THSD7A: variants seen among roughly 807,000 people sequenced by gnomAD.
THSD7A encodes the protein thrombospondin type 1 domain containing 7A, also known as thrombospondin type-1 domain-containing protein 7A.
THSD7A carries 96 observed loss-of-function variants against 231.3 expected under a neutral mutation model. The observed-to-expected ratio is 0.41, with a 90% confidence interval of 0.35 to 0.49. THSD7A has a LOEUF of 0.49. THSD7A is among the 20% of genes least tolerant of loss of function. THSD7A has a pLI of 0.05. For synonymous variants in THSD7A, 940 were observed against 743.3 expected, an observed-to-expected ratio of 1.26 and a Z score of -4.30; for missense variants, 2,290 against 2,070.2, an observed-to-expected ratio of 1.11 and a Z score of -2.06.
At chr7:11,786,314 A>G (rs889938300) in intron 1 of THSD7A, among the ~76,000 whole-genome samples, 3 of 152,050 alleles carry the variant, frequency 2.0e-5, no homozygotes, top group Non-Finnish European at 4.4e-5. Flanking sequence ...GCCATCCTAC[A>G]TGGTTGTGAC....
intron 1 of THSD7A, among the ~76,000 whole-genome samples, chr7:11,642,172 A>G (rs1782109797): frequency 6.6e-6 from 1 of 152,184 alleles, no homozygotes; most frequent in African/African-American, 2.4e-5. Flanking sequence ...GACAGTGTGC[A>G]GCAAATGTTT....
chr7:11,727,638 G>C (rs547782998), intron 1 of THSD7A, among the ~76,000 whole-genome samples: 78 of 151,966 alleles, frequency 5.1e-4, no homozygotes, highest in African/African-American at 1.9e-3. Context: ...TTTCAAGAAA[G>C]TGAAAAACAT....
At position 11,446,341 on chromosome 7, in the gene THSD7A, A is replaced by G. The variant is rs1480918291; in HGVS notation, c.2801-17T>C. ...TACTTTTTCCTGTGGAAGAGAAACA[A>G]TCAGGCAATTTAAGTTGGAAAATAC... On this transcript the variant is annotated splice_polypyrimidine_tract_variant and intron_variant, in intron 12 of 27. Transcript: ENST00000423059. The surrounding 1 kb of genome is among the most constrained non-coding windows in gnomAD (Gnocchi z 4.0). The G allele has an allele frequency of 1.2e-6, 2 of 1,601,676 alleles. No individual in the cohort carries two copies. Among genetic ancestry groups the G allele is most frequent in the Non-Finnish European group, 1.7e-6 (2 of 1,172,764 alleles).
intron 23 of THSD7A, among the ~76,000 whole-genome samples, chr7:11,399,897 A>C (rs1213541824): frequency 1.3e-5 from 2 of 152,122 alleles, no homozygotes; most frequent in Non-Finnish European, 2.9e-5. Context: ...AATAGCAAAG[A>C]CTTGGGACCA....
At chr7:11,820,322 C>T (rs1052048177) in intron 1 of THSD7A, 14 of 767,544 alleles carry the variant, frequency 1.8e-5, no homozygotes, top group African/African-American at 3.6e-5. Context: ...GGACCCTACT[C>T]GGTTGTGGGC....
intron 6 of THSD7A, among the ~76,000 whole-genome samples, chr7:11,523,192 G>T (rs1222098286): frequency 6.6e-6 from 1 of 151,998 alleles, no homozygotes; most frequent in South Asian, 2.1e-4. Context: ...ATATAAAAAC[G>T]ATTCAACAGC....
chr7:11,645,400 A>G (rs1584138854), intron 1 of THSD7A, among the ~76,000 whole-genome samples: 1 of 151,902 alleles, frequency 6.6e-6, no homozygotes, highest in Non-Finnish European at 1.5e-5. Context: ...ACACAATAGT[A>G]TATTTCTTTC....
chr7:11,823,811 A>C (rs1784943734), intron 1 of THSD7A, among the ~76,000 whole-genome samples: 1 of 152,042 alleles, frequency 6.6e-6, no homozygotes, highest in Admixed American at 6.6e-5. Context: ...CATTAATATA[A>C]GCTTTTTTAC....
At chr7:11,667,472 C>A (rs1783187452) in intron 1 of THSD7A, among the ~76,000 whole-genome samples, 1 of 152,062 alleles carries the variant, frequency 6.6e-6, no homozygotes, top group African/African-American at 2.4e-5. Flanking sequence ...ATTACATACT[C>A]TTTTCTAGCA....
Position 11,411,953 on chromosome 7 carries a change from A to C in THSD7A, c.3683-631T>G, listed in dbSNP as rs988911422. On this transcript the variant is annotated intron_variant, in intron 18 of 27. Transcript: ENST00000423059. The surrounding 1 kb of genome is among the most constrained non-coding windows in gnomAD (Gnocchi z 4.1). ...GGAAACTGAAGAGAAAAACCAAAAG[A>C]AACAAAGCCAATATGACTGTTATGT... Among the ~76,000 whole-genome samples the C allele has an allele frequency of 3.3e-5, 5 of 152,128 alleles. No homozygotes were observed. The highest frequency in any genetic ancestry group is 7.4e-5 in the Non-Finnish European group (5 of 68,024).
intron 1 of THSD7A, among the ~76,000 whole-genome samples, chr7:11,672,482 A>T (rs565183010): frequency 3.4e-4 from 51 of 150,356 alleles, no homozygotes; most frequent in African/African-American, 1.2e-3. Context: ...TTAATCTTAT[A>T]ATTATTACTC....
chr7:11,650,359 T>C (rs2128368155), intron 1 of THSD7A, among the ~76,000 whole-genome samples: 1 of 152,196 alleles, frequency 6.6e-6, no homozygotes, highest in African/African-American at 2.4e-5. Context: ...AAAGATGTTA[T>C]GCTAGAGCAC....
rs1279787439 is a variant in THSD7A at position 11,379,796 on chromosome 7, T to A, written c.4508-84A>T. On this transcript the variant is annotated intron_variant, in intron 24 of 27. Coordinates refer to ENST00000423059, the MANE Select transcript of THSD7A (RefSeq NM_015204.3). ...CTGTGGTTAGTGACTTGTCTTTGAATCTTGAACCACCTTGGGAATCCCAGG... is the reference window on the plus strand; with the variant it reads ...CTGTGGTTAGTGACTTGTCTTTGAAACTTGAACCACCTTGGGAATCCCAGG... 11 of 1,405,084 alleles carry A rather than the reference T, an allele frequency of 7.8e-6. No individual in the cohort carries two copies. In the Admixed American group the frequency reaches 7.9e-5, roughly 10 times the overall value. 87.0% of individuals were successfully genotyped at this position (1,405,084 alleles called of 1,614,324 possible).
intron 6 of THSD7A, among the ~76,000 whole-genome samples, chr7:11,486,713 T>C (rs1186217596): frequency 1.3e-5 from 2 of 152,022 alleles, no homozygotes; most frequent in Non-Finnish European, 2.9e-5. Flanking sequence ...ATATTAAATA[T>C]ACTATCTTTT....
chr7:11,757,900 A>G (rs1207113699), intron 1 of THSD7A, among the ~76,000 whole-genome samples: 1 of 151,186 alleles, frequency 6.6e-6, no homozygotes, highest in Non-Finnish European at 1.5e-5. Context: ...AGGCTTAATT[A>G]AAAATGGAAT....
intron 1 of THSD7A, among the ~76,000 whole-genome samples, chr7:11,753,544 T>TC (rs1554273846): frequency 7.1e-6 from 1 of 141,716 alleles, no homozygotes; most frequent in Non-Finnish European, 1.5e-5. Context: ...ATGCAGCCCT[T>TC]TCTCTCTCTC....
At chr7:11,578,511 A>G (rs1251151183) in intron 4 of THSD7A, among the ~76,000 whole-genome samples, 2 of 152,222 alleles carry the variant, frequency 1.3e-5, no homozygotes, top group Admixed American at 1.3e-4. Context: ...TAAGAATGAT[A>G]GGTTGTACTA....
chr7:11,723,328 G>A (rs1336353800), intron 1 of THSD7A, among the ~76,000 whole-genome samples: 2 of 146,886 alleles, frequency 1.4e-5, no homozygotes, highest in African/African-American at 5.0e-5. Context: ...CCTGTTGTGG[G>A]GTAGGGGGAG....
chr7:11,536,170 T>C (rs1328394774), intron 6 of THSD7A, among the ~76,000 whole-genome samples: 3 of 152,222 alleles, frequency 2.0e-5, no homozygotes, highest in African/African-American at 7.2e-5. Context: ...TCAATTTCAT[T>C]GGGAATCCAG....
Sources: allele counts gnomAD v4.1 joint callset (sites outside exome capture counted in the v4.1 genomes callset), GRCh38; gene constraint gnomAD v4.1.1; non-coding constraint Gnocchi (gnomAD v3.1); transcripts MANE v1.5; gene names NCBI Gene and HGNC (gene_info 2026-07-23, HGNC 2026-07-21).